ANKDD1A: variants seen among roughly 807,000 people sequenced by gnomAD.
ANKDD1A encodes ankyrin repeat and death domain-containing protein 1A.
In ANKDD1A, 59 loss-of-function variants were observed where a neutral mutation model predicts 63.5. The observed-to-expected ratio is 0.93, with a 90% CI of 0.75 to 1.15. The LOEUF is 1.15. Among genes scored for constraint, ANKDD1A ranks in the 50% most tolerant of loss-of-function variants. ANKDD1A has a pLI of 0.00. For synonymous variants in ANKDD1A, 266 were observed against 263.9 expected (o/e 1.01, Z -0.08); for missense variants, 632 against 656.4 (o/e 0.96, Z 0.41).
chr15:64,948,915 C>A (rs532143642), intron 13 of ANKDD1A, among the ~76,000 whole-genome samples: 1 of 152,108 alleles, frequency 6.6e-6, no homozygotes, highest in Non-Finnish European at 1.5e-5. Context: ...CAAAAGTAAA[C>A]GCTGCTACGG....
In ANKDD1A at chr15:64,957,654, G is replaced by T. The variant is rs72739241; in HGVS notation, c.*466G>T. Reference sequence around the variant, plus strand: ...GTATCCACATTGTAGCTGTTCATGTGTCTGCTTCTATTGCATATTGTAAAA... The same window carrying T: ...GTATCCACATTGTAGCTGTTCATGTTTCTGCTTCTATTGCATATTGTAAAA... On this transcript the variant is annotated 3_prime_UTR_variant, in exon 15 of 15. Transcript: ENST00000319580. 3,032 of 152,368 alleles carry T rather than the reference G, an allele frequency of 0.02. 49 individuals are homozygous for T. The highest frequency in any genetic ancestry group is 0.03 in the Admixed American group (453 of 15,310). 9.4% of individuals were successfully genotyped at this position (152,368 alleles called of 1,614,324 possible). A position where few individuals can be genotyped will look rare whatever the true frequency, so the allele number is the denominator to read the frequency against.
At chr15:64,956,232 C>CTTT (rs1326620566) in intron 14 of ANKDD1A, among the ~76,000 whole-genome samples, 10 of 96,300 alleles carry the variant, frequency 1.0e-4, no homozygotes, top group African/African-American at 1.9e-4. Context: ...CTTTGGATTC[C>CTTT]TTTTTTTTTT....
chr15:64,953,522 TTCCTTCTTCTCCTCTC>T (rs2085343683), intron 14 of ANKDD1A, among the ~76,000 whole-genome samples: 1 of 131,140 alleles, frequency 7.6e-6, no homozygotes, highest in Non-Finnish European at 1.6e-5. Context: ...CTTCTCCTTC[TTCCTTCTTCTCCTCTC>T]CTTCTTCCTT....
At chr15:64,951,769 TCTTCTTTCCTTTCTTCTTC>T (rs1232594560) in intron 14 of ANKDD1A, among the ~76,000 whole-genome samples, 1 of 146,874 alleles carries the variant, frequency 6.8e-6, no homozygotes, top group South Asian at 2.2e-4. Context: ...TTCCTTTTCT[TCTTCTTTCCTTTCTTCTTC>T]CTTCTTTCTT....
intron 14 of ANKDD1A, chr15:64,950,224 T>C: frequency 1.0e-6 from 1 of 985,422 alleles, no homozygotes; most frequent in South Asian, 4.7e-5. Flanking sequence ...CCGGAGCCAG[T>C]GATGCTGTCC....
intron 14 of ANKDD1A, among the ~76,000 whole-genome samples, chr15:64,954,416 C>T (rs139039230): frequency 2.1e-5 from 3 of 145,534 alleles, no homozygotes; most frequent in Admixed American, 6.8e-5. Flanking sequence ...TCTTCTTCCT[C>T]CTCTCCTCCT....
chr15:64,935,751 C>T (rs757128291), intron 9 of ANKDD1A, among the ~76,000 whole-genome samples: 2 of 148,416 alleles, frequency 1.3e-5, no homozygotes, highest in African/African-American at 5.0e-5. Flanking sequence ...GGCTGAAGCA[C>T]GAGAATCACT....
chr15:64,947,550 G>A lies in ANKDD1A; in HGVS notation c.1308G>A (p.Glu436=). 1 of 1,614,168 alleles carries A rather than the reference G, an allele frequency of 6.2e-7. No homozygotes were observed. Among genetic ancestry groups the A allele is most frequent in the Non-Finnish European group, 8.5e-7 (1 of 1,180,018 alleles). ...REWKKLAYSW[E]FTEAHVDAIE... is the part of the protein sequence containing the mutation. Reference sequence around the variant, plus strand: ...GGAAGAAGCTGGCATATTCCTGGGAGTTCACGGAGGCACATGTCGACGCCA... The same window carrying A: ...GGAAGAAGCTGGCATATTCCTGGGAATTCACGGAGGCACATGTCGACGCCA... The change falls in exon 13 of 15, where the codon GAG becomes GAA. Residue 436 remains glutamate, a synonymous_variant. Coordinates refer to ENST00000319580, the MANE Select transcript of ANKDD1A (RefSeq NM_182703.6).
rs2085269392 is a variant in ANKDD1A at position 64,951,323 on chromosome 15, CTTTCCTCT to C, written c.1483+1355_1483+1362del. ...TCTTCTTCTCTTCTTCTTCTTTCTT[CTTTCCTCT>C]TTTTCTTTCTTCTTTCCTCTTCTTT... On this transcript the variant is annotated intron_variant, in intron 14 of 14. Coordinates refer to ENST00000319580, the MANE Select transcript of ANKDD1A (RefSeq NM_182703.6). 32 of 709,816 alleles carry C rather than the reference CTTTCCTCT, an allele frequency of 4.5e-5. No homozygotes were observed. In the South Asian group the frequency reaches 9.8e-4, roughly 22 times the overall value. 44.0% of individuals were successfully genotyped at this position (709,816 alleles called of 1,614,324 possible). A position where few individuals can be genotyped will look rare whatever the true frequency, so the allele number is the denominator to read the frequency against.
chr15:64,916,427 T>C (rs2084969151), intron 2 of ANKDD1A, among the ~76,000 whole-genome samples: 1 of 151,722 alleles, frequency 6.6e-6, no homozygotes, highest in South Asian at 2.1e-4. Flanking sequence ...CTGGGCTCAG[T>C]TGATCCTCCC....
intron 14 of ANKDD1A, among the ~76,000 whole-genome samples, chr15:64,956,298 C>T (rs1595862385): frequency 6.6e-6 from 1 of 151,082 alleles, no homozygotes; most frequent in East Asian, 1.9e-4. Flanking sequence ...GCCTGTAATC[C>T]CAGCACTTTG....
intron 9 of ANKDD1A, among the ~76,000 whole-genome samples, chr15:64,938,005 C>A (rs1046316335): frequency 2.2e-4 from 33 of 151,974 alleles, no homozygotes; most frequent in African/African-American, 7.7e-4. Context: ...GACACAGGGG[C>A]CACCAGAGAG....
In ANKDD1A at chr15:64,915,791, CCA is replaced by C; in HGVS notation, c.35-3_35-2del. 6.2e-7 allele frequency: 1 copy of C among 1,613,696 alleles called. No individual in the cohort carries two copies. Reference sequence around the variant, plus strand: ...CCTCATCCTGCACCCCATTTTCTCCCCACAGTGCTTCCTCTGGAGAGGCAGCT... The same window carrying C: ...CCTCATCCTGCACCCCATTTTCTCCCCAGTGCTTCCTCTGGAGAGGCAGCT... On this transcript the variant is annotated splice_region_variant and splice_polypyrimidine_tract_variant and intron_variant, in intron 1 of 14. Transcript: ENST00000319580.
intron 14 of ANKDD1A, among the ~76,000 whole-genome samples, chr15:64,952,366 T>C (rs2085306171): frequency 8.6e-6 from 1 of 116,080 alleles, no homozygotes; most frequent in African/African-American, 3.4e-5. Context: ...TCCTTCTTCT[T>C]TCTTCTTCCT....
chr15:64,932,556 G>T (rs8039602), intron 8 of ANKDD1A: 46,360 of 151,930 alleles, frequency 0.31, 8,139 homozygotes, highest in East Asian at 0.69. Context: ...TTGGTGTTTT[G>T]GGTTTGCTTT....
intron 12 of ANKDD1A, among the ~76,000 whole-genome samples, chr15:64,945,931 C>T (rs962611541): frequency 1.3e-5 from 2 of 151,726 alleles, no homozygotes; most frequent in African/African-American, 4.8e-5. Context: ...CATGCCTGGC[C>T]GAATTATGAT....
In ANKDD1A at chr15:64,938,165, C is replaced by T. The variant is rs142337672; in HGVS notation, c.867+3931C>T. On this transcript the variant is annotated intron_variant, in intron 9 of 14. Transcript: ENST00000319580. ...GAGGAGAATAAACAAATATCCCATG[C>T]GGAAGAATTTCAAATAATTTATGTA... Among the ~76,000 whole-genome samples the T allele has an allele frequency of 4.0e-4, 61 of 152,202 alleles. 1 individual carries two copies. In the South Asian group the frequency reaches 5.8e-3, roughly 15 times the overall value.
In ANKDD1A at chr15:64,917,431, C is replaced by T. The variant is rs1312361804; in HGVS notation, c.184C>T (p.Gln62Ter). 213 of 1,610,650 alleles carry T rather than the reference C, an allele frequency of 1.3e-4. No homozygotes were observed. Among genetic ancestry groups the T allele is most frequent in the Non-Finnish European group, 1.7e-4 (204 of 1,179,118 alleles). ...LHWAAGAGHE[Q>*]AVRLLLEHEA... ...CTGGGCTGCAGGTGCAGGGCACGAGCAGGCTGTGCGTCTGCTTCTGGAGCA... is the reference window on the plus strand; with the variant it reads ...CTGGGCTGCAGGTGCAGGGCACGAGTAGGCTGTGCGTCTGCTTCTGGAGCA... The change falls in exon 3 of 15, where the codon CAG (glutamine) becomes TAG (stop). Residue 62 changes from glutamine to a stop codon, truncating the protein, a stop_gained. Coordinates refer to ENST00000319580, the MANE Select transcript of ANKDD1A (RefSeq NM_182703.6). LOFTEE classifies it high-confidence loss of function.
intron 3 of ANKDD1A, chr15:64,919,756 C>T (rs1197797829): frequency 1.3e-5 from 2 of 152,234 alleles, no homozygotes; most frequent in Non-Finnish European, 1.5e-5. Context: ...AGGAGACCTA[C>T]ATTATACATG....
Sources: gnomAD v4.1 joint callset for allele counts (sites outside exome capture counted in the v4.1 genomes callset) on GRCh38, gnomAD v4.1.1 for gene constraint, MANE v1.5 for transcripts, NCBI Gene and HGNC (gene_info 2026-07-23, HGNC 2026-07-21) for gene names.